The following MCF2L variants were observed in gnomAD, a reference collection of about 807,000 sequenced individuals.
MCF2L encodes guanine nucleotide exchange factor DBS.
Under a neutral mutation model 153.4 loss-of-function variants are expected in MCF2L, and 97 were observed. The ratio of observed to expected loss-of-function variants is 0.63; its 90% confidence interval spans 0.54 to 0.75. The LOEUF is 0.75. MCF2L is among the 30% of genes least tolerant of loss of function. The probability of loss-of-function intolerance (pLI) is 0.00; values close to 1 mark genes in which losing one functional copy is unlikely to be tolerated. For synonymous variants in MCF2L, 659 were observed against 632.2 expected (o/e 1.04, Z -0.64); for missense variants, 1,347 against 1,495.2 (o/e 0.90, Z 1.64).
At chr13:112,957,959 A>G (rs2081778996) in intron 2 of MCF2L, 1 of 152,244 alleles carries the variant, frequency 6.6e-6, no homozygotes, top group Admixed American at 6.5e-5. Flanking sequence ...TTGTATATAC[A>G]CAAAGGGAAG....
chr13:112,933,399 C>T (rs1279148821), intron 2 of MCF2L, among the ~76,000 whole-genome samples: 1 of 152,236 alleles, frequency 6.6e-6, no homozygotes, highest in Non-Finnish European at 1.5e-5. Flanking sequence ...CCAGCCCTGG[C>T]TCTAGCAAGA....
At chr13:113,065,249 G>A in intron 7 of MCF2L, 164 bp downstream of exon 7, 1 of 735,568 alleles carries the variant, frequency 1.4e-6, no homozygotes, top group Non-Finnish European at 2.2e-6. Context: ...CCTTTTGATG[G>A]CAATTAGCTC....
At chr13:112,953,582 CAG>C (rs1372526626) in intron 2 of MCF2L, among the ~76,000 whole-genome samples, 3 of 152,224 alleles carry the variant, frequency 2.0e-5, no homozygotes, top group Non-Finnish European at 2.9e-5. Flanking sequence ...AGGCAGAAAG[CAG>C]GGGTGGGAAA....
intron 4 of MCF2L, among the ~76,000 whole-genome samples, chr13:113,057,440 C>T (rs1220131033): frequency 7.9e-6 from 1 of 126,534 alleles, no homozygotes; most frequent in Non-Finnish European, 1.6e-5. Context: ...GTGTTGGGCA[C>T]TGAGTGGGTG....
intron 3 of MCF2L, among the ~76,000 whole-genome samples, chr13:113,025,820 C>A (rs5026909): frequency 7.4e-5 from 5 of 67,528 alleles, no homozygotes; most frequent in South Asian, 6.4e-4. Context: ...GACTGTGGGT[C>A]GGGGCAGAGT....
At chr13:113,095,041 AC>A in intron 27 of MCF2L, 1 of 1,371,504 alleles carries the variant, frequency 7.3e-7, no homozygotes, top group Non-Finnish European at 9.7e-7. Flanking sequence ...CCACCCCCCT[AC>A]CCTTTATGTC....
chr13:113,025,843 T>G (rs372747030), intron 3 of MCF2L, among the ~76,000 whole-genome samples: 1 of 99,546 alleles, frequency 1.0e-5, no homozygotes, highest in Non-Finnish European at 2.2e-5. Context: ...CTGTGAGGTT[T>G]CATCATGGTG....
chr13:113,033,282 CTGTGACATTAGTGGACCCCGTGG>C (rs2085878990), intron 3 of MCF2L, among the ~76,000 whole-genome samples: 2 of 134,700 alleles, frequency 1.5e-5, no homozygotes, highest in African/African-American at 2.9e-5. Context: ...TGAGTGGCCC[CTGTGACATTAGTGGACCCCGTGG>C]CGTGAGTGGC....
At chr13:112,952,247 C>A (rs76409674) in intron 2 of MCF2L, among the ~76,000 whole-genome samples, 3 of 152,152 alleles carry the variant, frequency 2.0e-5, no homozygotes, top group African/African-American at 2.4e-5. Context: ...CACTGTGCTT[C>A]GGGCTCCCTC....
At chr13:113,085,630 G>T (rs1342790653) in intron 20 of MCF2L, among the ~76,000 whole-genome samples, 2 of 151,864 alleles carry the variant, frequency 1.3e-5, no homozygotes, top group Non-Finnish European at 2.9e-5. Flanking sequence ...GGGAGCAGGT[G>T]CGAGGGGTTT....
chr13:113,077,039 C>A lies in MCF2L; in HGVS notation c.1501-13C>A. On this transcript the variant is annotated splice_polypyrimidine_tract_variant and intron_variant, in intron 12 of 29. Transcript: ENST00000535094. ...AACATGTGCAAGGCACCTTACTGAG[C>A]ATGCGGTTTCAGGAGCACGTGCGAA... 6.2e-7 allele frequency: 1 copy of A among 1,605,328 alleles called. No individual in the cohort carries two copies. The highest frequency in any genetic ancestry group is 1.1e-5 in the South Asian group (1 of 90,190).
In MCF2L at chr13:113,096,558, G is replaced by A; in HGVS notation, c.3197G>A (p.Arg1066Lys). Reference sequence around the variant, plus strand: ...ACCCTCGCCCCTTGCAGGTACGTCAGGGACCCGACCACTGGCAAGGAGGGC... The same window carrying A: ...ACCCTCGCCCCTTGCAGGTACGTCAAGGACCCGACCACTGGCAAGGAGGGC... Reference protein sequence around the residue: ...QEGDEGLWYVRDPTTGKEGWV... With the variant: ...QEGDEGLWYVKDPTTGKEGWV... The change falls in exon 29 of 30, where the codon AGG becomes AAG. Residue 1066 changes from arginine to lysine, a missense_variant. Arg to Lys is a conservative substitution (Grantham distance 26). This residue lies in a region of MCF2L where 383 missense variants were observed against 335.4 expected (regional missense o/e 1.14). Transcript: ENST00000535094. The A allele has an allele frequency of 6.2e-7, 1 of 1,604,780 alleles. No homozygotes were observed. The highest frequency in any genetic ancestry group is 1.1e-5 in the South Asian group (1 of 90,132).
At chr13:113,060,062 C>T (rs1261337077) in intron 4 of MCF2L, among the ~76,000 whole-genome samples, 3 of 152,184 alleles carry the variant, frequency 2.0e-5, no homozygotes, top group Non-Finnish European at 4.4e-5. Context: ...CTATGGGGAG[C>T]GTCTCTCTGC....
At chr13:113,037,038 C>T (rs1057146776) in intron 3 of MCF2L, among the ~76,000 whole-genome samples, 4 of 152,218 alleles carry the variant, frequency 2.6e-5, no homozygotes, top group African/African-American at 7.2e-5. Context: ...AACTTAGTGC[C>T]GTGCGGTCCA....
chr13:112,927,708 C>T (rs1417840905), intron 2 of MCF2L, among the ~76,000 whole-genome samples: 4 of 152,164 alleles, frequency 2.6e-5, no homozygotes, highest in Admixed American at 2.6e-4. Flanking sequence ...AGAATCTGAC[C>T]AGGCACCTAG....
At chr13:112,909,447 C>T (rs1291374908) in intron 2 of MCF2L, 9 of 657,766 alleles carry the variant, frequency 1.4e-5, no homozygotes, top group East Asian at 2.5e-5. Context: ...TTCACCCCAG[C>T]GTCCTGTGCA....
intron 2 of MCF2L, among the ~76,000 whole-genome samples, chr13:112,902,828 C>T (rs1264164894): frequency 1.3e-5 from 2 of 152,210 alleles, no homozygotes; most frequent in Non-Finnish European, 2.9e-5. Context: ...AGTGCCCCTG[C>T]CTGGGCGTCT....
In MCF2L at chr13:113,050,155, TGTGTGA is replaced by T. The variant is rs1195763250; in HGVS notation, c.369+4806_369+4811del. ...TCTTCCACTGTACTGCATGTGTGAG[TGTGTGA>T]GTGTGAGTGTGTGACTGTGTGTGTG... On this transcript the variant is annotated intron_variant, in intron 4 of 29. Transcript: ENST00000535094. Among the ~76,000 whole-genome samples the T allele has an allele frequency of 8.6e-5, 13 of 151,664 alleles. No homozygotes were observed. In the East Asian group the frequency reaches 1.0e-3, roughly 12 times the overall value.
chr13:112,956,438 C>A (rs2081758260), intron 2 of MCF2L: 1 of 152,172 alleles, frequency 6.6e-6, no homozygotes, highest in Non-Finnish European at 1.5e-5. Context: ...TCTGAAACCT[C>A]ACTGTTTAAA....
Sources: gnomAD v4.1 joint callset for allele counts (sites outside exome capture counted in the v4.1 genomes callset) on GRCh38, gnomAD v4.1.1 for gene constraint, gnomAD v4.1.1 regional missense constraint, MANE v1.5 for transcripts, NCBI Gene and HGNC (gene_info 2026-07-23, HGNC 2026-07-21) for gene names.